The following GDAP1 variants were observed in gnomAD, a reference collection of about 807,000 sequenced individuals.
The protein encoded by GDAP1 is ganglioside induced differentiation associated protein 1.
Under a neutral mutation model 40.1 loss-of-function variants are expected in GDAP1, and 34 were observed. The observed-to-expected ratio is 0.85, with a 90% CI of 0.64 to 1.13. GDAP1 has a LOEUF of 1.13. Among genes scored for constraint, GDAP1 ranks in the 50% most tolerant of loss-of-function variants. GDAP1 has a pLI of 0.00. For synonymous variants in GDAP1, 170 were observed against 157.4 expected (o/e 1.08, Z -0.60); for missense variants, 374 against 433.7 (o/e 0.86, Z 1.22).
chr8:74,385,453 T>G (rs1474075426), intron 2 of GDAP1, among the ~76,000 whole-genome samples: 2 of 152,172 alleles, frequency 1.3e-5, no homozygotes, highest in African/African-American at 4.8e-5. Flanking sequence ...CCTGTGTTAG[T>G]TTGCTGAGAA....
chr8:74,383,239 T>G (rs1809980249), intron 2 of GDAP1, among the ~76,000 whole-genome samples: 1 of 152,222 alleles, frequency 6.6e-6, no homozygotes, highest in African/African-American at 2.4e-5. Context: ...GGGGAAATCT[T>G]AATTCAAATT....
At chr8:74,395,718 A>G (rs1174565681) in intron 2 of GDAP1, among the ~76,000 whole-genome samples, 1 of 152,202 alleles carries the variant, frequency 6.6e-6, no homozygotes, top group Non-Finnish European at 1.5e-5. Flanking sequence ...TCAAATCTAA[A>G]TAAAGCCAAC....
rs76913637 is a variant in GDAP1, at chr8:74,393,808, A to C, written c.165+42487A>C. Among the ~76,000 whole-genome samples, 5 of 151,860 alleles carry C rather than the reference A, an allele frequency of 3.3e-5. No individual in the cohort carries two copies. In the East Asian group the frequency reaches 9.6e-4, roughly 29 times the overall value. On this transcript the variant is annotated intron_variant, in intron 2 of 2. Transcript: ENST00000523640. ...ATGAGGGCAAATACCTTTCAGTATG[A>C]CACATGTATCTATGAATACTTTTAA... is the stretch of plus-strand genomic sequence containing the variant.
At chr8:74,424,094 C>T (rs1443924464) in intron 2 of GDAP1, among the ~76,000 whole-genome samples, 1 of 152,020 alleles carries the variant, frequency 6.6e-6, no homozygotes, top group Non-Finnish European at 1.5e-5. Context: ...TGCTCAAGTC[C>T]TTTATATATT....
At chr8:74,416,599 T>G (rs1293581679) in intron 2 of GDAP1, among the ~76,000 whole-genome samples, 1 of 150,064 alleles carries the variant, frequency 6.7e-6, no homozygotes, top group Non-Finnish European at 1.5e-5. Flanking sequence ...CCAAGGAACC[T>G]CACAGAGTCT....
Position 74,377,207 on chromosome 8 carries a change from A to G in GDAP1, c.165+25886A>G, listed in dbSNP as rs753200229. ...AAAAAATGATAAATTAGATGTTATC[A>G]AAGTTATAACTGCCTGTTTTCTTAA... is the stretch of plus-strand genomic sequence containing the variant. On this transcript the variant is annotated intron_variant, in intron 2 of 2. Transcript: ENST00000523640. 2.5e-4 allele frequency among the ~76,000 whole-genome samples: 33 copies of G among 134,086 alleles called. No individual in the cohort carries two copies. In the South Asian group the frequency reaches 4.5e-3, roughly 18 times the overall value. 88.0% of individuals were successfully genotyped at this position (134,086 alleles called of 152,430 possible).
At chr8:74,485,208 G>T (rs556840479) in intron 2 of GDAP1, among the ~76,000 whole-genome samples, 11 of 151,998 alleles carry the variant, frequency 7.2e-5, no homozygotes, top group Non-Finnish European at 4.4e-5. Flanking sequence ...CCCATGATAC[G>T]ATTATGAAAT....
At chr8:74,398,330 C>T (rs933524896) in intron 2 of GDAP1, among the ~76,000 whole-genome samples, 1 of 152,108 alleles carries the variant, frequency 6.6e-6, no homozygotes, top group Non-Finnish European at 1.5e-5. Context: ...AGATCTTCCT[C>T]CATCCTTTTA....
intron 2 of GDAP1, among the ~76,000 whole-genome samples, chr8:74,405,202 A>T (rs974932010): frequency 2.7e-5 from 4 of 149,864 alleles, no homozygotes; most frequent in Non-Finnish European, 5.9e-5. Context: ...TCCCATTTAT[A>T]AAACCATCAG....
In GDAP1 at chr8:74,386,247, G is replaced by A. The variant is rs566662995; in HGVS notation, c.165+34926G>A. Reference sequence around the variant, plus strand: ...TGTTGCCATTGCTTTTGGTGCTTTCGTCATAAGTTTTTGCCCATGCCTATG... The same window carrying A: ...TGTTGCCATTGCTTTTGGTGCTTTCATCATAAGTTTTTGCCCATGCCTATG... On this transcript the variant is annotated intron_variant, in intron 2 of 2. Transcript: ENST00000523640. Among the ~76,000 whole-genome samples, 15 of 106,278 alleles carry A rather than the reference G, an allele frequency of 1.4e-4. No homozygotes were observed. In the East Asian group the frequency reaches 2.4e-3, roughly 17 times the overall value. The allele number at this position is 106,278 out of a possible 152,430, so 69.7% of individuals were successfully genotyped here. A position where few individuals can be genotyped will look rare whatever the true frequency, so the allele number is the denominator to read the frequency against.
Position 74,476,150 on chromosome 8 carries a change from A to C in GDAP1, c.166-12528A>C, listed in dbSNP as rs528479536. Among the ~76,000 whole-genome samples, 9 of 152,188 alleles carry C rather than the reference A, an allele frequency of 5.9e-5. No homozygotes were observed. The East Asian group carries it at 1.7e-3, about 29-fold the overall frequency. On this transcript the variant is annotated intron_variant, in intron 2 of 2. Transcript: ENST00000523640. ...CCTCTTGGTTGGCAGATTTTTCTCC[A>C]TCCCTTTATTTTGAGCCTATGTGTG...
intron 2 of GDAP1, among the ~76,000 whole-genome samples, chr8:74,379,949 T>G (rs1809920951): frequency 6.6e-6 from 1 of 152,192 alleles, no homozygotes. Context: ...AACCCTCTAC[T>G]CCTAAGAAAG....
downstream of GDAP1, chr8:74,366,983 A>C: frequency 6.3e-6 from 2 of 316,740 alleles, no homozygotes; most frequent in Non-Finnish European, 6.1e-6. Context: ...TTAGGTATTC[A>C]AGATACTTAG....
chr8:74,375,654 T>C (rs1809841123), intron 2 of GDAP1, among the ~76,000 whole-genome samples: 1 of 152,206 alleles, frequency 6.6e-6, no homozygotes, highest in Non-Finnish European at 1.5e-5. Flanking sequence ...AAGACATCCA[T>C]GAAAAATCCA....
chr8:74,363,987 G>C lies in GDAP1; in HGVS notation c.697G>C (p.Glu233Gln), dbSNP rs773719264. 1.9e-6 allele frequency: 3 copies of C among 1,613,890 alleles called. No homozygotes were observed. The highest frequency in any genetic ancestry group is 1.3e-5 in the African/African-American group (1 of 75,036). The change falls in exon 6 of 6, where the codon GAG (glutamate) becomes CAG (glutamine). Residue 233 changes from glutamate to glutamine, a missense_variant and splice_region_variant. By Grantham distance (29) the Glu-to-Gln change is conservative. Transcript: ENST00000220822. ...TCTATGTCCCTTTCTCTAATTAGAA[G>C]AGGGCCAGCAACCTTGGCTCTGCGG... ...LQRRNEETPE[E>Q]GQQPWLCGES...
At chr8:74,428,421 C>T (rs1006254164) in intron 2 of GDAP1, among the ~76,000 whole-genome samples, 2 of 151,796 alleles carry the variant, frequency 1.3e-5, no homozygotes, top group African/African-American at 4.8e-5. Context: ...GAAAGGGTGT[C>T]CACATTTTAC....
chr8:74,420,155 T>C (rs1805837285), intron 2 of GDAP1, among the ~76,000 whole-genome samples: 1 of 152,214 alleles, frequency 6.6e-6, no homozygotes, highest in South Asian at 2.1e-4. Flanking sequence ...CAATTCCATA[T>C]AAATTTGAAG....
chr8:74,449,938 G>A (rs1025674015), intron 2 of GDAP1, among the ~76,000 whole-genome samples: 2 of 151,664 alleles, frequency 1.3e-5, no homozygotes, highest in Non-Finnish European at 3.0e-5. Context: ...TTTATTCTGT[G>A]AGTAAATGAA....
chr8:74,445,954 AG>A, intron 2 of GDAP1, among the ~76,000 whole-genome samples: 1 of 152,330 alleles, frequency 6.6e-6, no homozygotes, highest in South Asian at 2.1e-4. Flanking sequence ...GTGTTAGGAA[AG>A]ATTTTTAAAG....
Sources: allele counts gnomAD v4.1 joint callset (sites outside exome capture counted in the v4.1 genomes callset), GRCh38; gene constraint gnomAD v4.1.1; transcripts MANE v1.5; gene names NCBI Gene and HGNC (gene_info 2026-07-23, HGNC 2026-07-21).